Variants in RAD51AP2 observed in about 807,000 individuals in gnomAD.
RAD51AP2 encodes the protein RAD51-associated protein 2.
Under a neutral mutation model 85.5 loss-of-function variants are expected in RAD51AP2, and 67 were observed. The observed-to-expected ratio is 0.78, with a 90% CI of 0.64 to 0.96. The LOEUF (loss-of-function observed/expected upper bound fraction) is 0.96. RAD51AP2 is among the 40% of genes least tolerant of loss of function. The probability of loss-of-function intolerance (pLI) is 0.00; values close to 1 mark genes in which losing one functional copy is unlikely to be tolerated. For missense variants in RAD51AP2, 1,307 were observed against 1,332.4 expected (o/e 0.98, Z 0.30); for synonymous variants, 474 against 446.5 (o/e 1.06, Z -0.78).
chr2:17,517,939 C>A lies in RAD51AP2; in HGVS notation c.477G>T (p.Leu159=). Residue 159 remains leucine, a synonymous_variant, in exon 1 of 3, where the codon CTG becomes CTT. Coordinates refer to ENST00000399080, the MANE Select transcript of RAD51AP2 (RefSeq NM_001099218.3). ...GTATATCGTGTATAGAGGTGCTGGGCAGAAGTTGACTAACCCCTGCTTTGG... is the reference window on the plus strand; with the variant it reads ...GTATATCGTGTATAGAGGTGCTGGGAAGAAGTTGACTAACCCCTGCTTTGG... ...NSSKAGVSQL[L]PSTSIHDIHG... is the part of the protein sequence containing the mutation. 1 of 1,614,144 alleles carries A rather than the reference C, an allele frequency of 6.2e-7. No homozygotes were observed.
chr2:17,517,530 TG>T lies in RAD51AP2; in HGVS notation c.885del (p.Asn295LysfsTer23). ...TCAGGTCTATTTTGGGACCAGTAAA[TG>T]TTTGTGAAATCCCTAACATATGCCT... is the stretch of plus-strand genomic sequence containing the variant. ...KKEAYVRDFT[N>X]IYWSQNRPDV... On this transcript the variant is annotated frameshift_variant, in exon 1 of 3. Transcript: ENST00000399080. LOFTEE classifies it high-confidence loss of function. The T allele has an allele frequency of 6.2e-7, 1 of 1,613,812 alleles. No homozygotes were observed. Among genetic ancestry groups the T allele is most frequent in the Non-Finnish European group, 8.5e-7 (1 of 1,179,932 alleles).
At chr2:17,512,812 A>G (rs1448549904) in intron 2 of RAD51AP2, among the ~76,000 whole-genome samples, 1 of 152,198 alleles carries the variant, frequency 6.6e-6, no homozygotes, top group Non-Finnish European at 1.5e-5. Flanking sequence ...CCCGGGGAGA[A>G]GAGACTACCT....
Position 17,517,620 on chromosome 2 carries a change from A to C in RAD51AP2, c.796T>G (p.Leu266Val). The C allele has an allele frequency of 6.2e-7, 1 of 1,614,034 alleles. No homozygotes were observed. Residue 266 changes from leucine (L) to valine (V), a missense_variant, in exon 1 of 3, where the codon TTA becomes GTA. Around this residue, in one of 3 missense-constraint regions of RAD51AP2, gnomAD observed 635 missense variants for 643.6 expected, o/e 0.99. Coordinates refer to ENST00000399080, the MANE Select transcript of RAD51AP2 (RefSeq NM_001099218.3). ...TAGACAGAGGACATTTTGCTATTTAAGTCCATTGGAAACTGAGGGACACTT... is the reference window on the plus strand; with the variant it reads ...TAGACAGAGGACATTTTGCTATTTACGTCCATTGGAAACTGAGGGACACTT... ...TISVPQFPMD[L>V]NSKMSSVYLK...
chr2:17,511,699 T>A (rs1662499637), intron 2 of RAD51AP2, among the ~76,000 whole-genome samples: 1 of 152,114 alleles, frequency 6.6e-6, no homozygotes, highest in Non-Finnish European at 1.5e-5. Flanking sequence ...CTAAAAACAG[T>A]GTAATCAAAT....
At chr2:17,511,230 AC>A (rs1246005324) in intron 2 of RAD51AP2, among the ~76,000 whole-genome samples, 1 of 152,210 alleles carries the variant, frequency 6.6e-6, no homozygotes, top group South Asian at 2.1e-4. Flanking sequence ...TAACTTAACA[AC>A]CATCACAACA....
At position 17,518,407 on chromosome 2, in the gene RAD51AP2, G is replaced by T; in HGVS notation, c.9C>A (p.Leu3=). MS[L]PQPTPRMAEL... ...CGGCCATCCGCGGCGTGGGCTGAGG[G>T]AGAGACATGACAGCGAATGGAAAGG... Residue 3 remains leucine, a synonymous_variant, in exon 1 of 3, where the codon CTC becomes CTA. Transcript: ENST00000399080. 1 of 1,611,202 alleles carries T rather than the reference G, an allele frequency of 6.2e-7. No homozygotes were observed. Among genetic ancestry groups the T allele is most frequent in the Non-Finnish European group, 8.5e-7 (1 of 1,179,324 alleles).
rs745750139 is a variant in RAD51AP2, at chr2:17,515,644, T to C, written c.2772A>G (p.Ala924=). 6.2e-7 allele frequency: 1 copy of C among 1,612,882 alleles called. No homozygotes were observed. ...SKDFHRKNDS[A]LYINHQFETG... The stretch of plus-strand genomic sequence containing the variant: ...TTTCAAATTGATGATTAATATATAA[T>C]GCAGAGTCATTCTTTCTGTGAAAAT... The change falls in exon 1 of 3, where the codon GCA becomes GCG. Residue 924 remains alanine, a synonymous_variant. Transcript: ENST00000399080.
At position 17,517,979 on chromosome 2, in the gene RAD51AP2, T is replaced by C. The variant is rs1466757628; in HGVS notation, c.437A>G (p.His146Arg). The C allele has an allele frequency of 6.2e-7, 1 of 1,614,204 alleles. No individual in the cohort carries two copies. Among genetic ancestry groups the C allele is most frequent in the Non-Finnish European group, 8.5e-7 (1 of 1,180,032 alleles). The part of the protein sequence containing the change: ...GLHDREAFSV[H>R]RSNSSKAGVS... ...CCCTGCTTTGGAGCTATTACTGCGGTGCACACTGAAAGCCTCTCTGTCATG... is the reference window on the plus strand; with the variant it reads ...CCCTGCTTTGGAGCTATTACTGCGGCGCACACTGAAAGCCTCTCTGTCATG... Residue 146 changes from histidine to arginine, a missense_variant, in exon 1 of 3, where the codon CAC becomes CGC. By Grantham distance (29) the His-to-Arg change is conservative. This residue lies in a region of RAD51AP2 where 635 missense variants were observed against 643.6 expected (regional missense o/e 0.99). Coordinates refer to ENST00000399080, the MANE Select transcript of RAD51AP2 (RefSeq NM_001099218.3).
At chr2:17,511,686 A>C (rs1023727337) in intron 2 of RAD51AP2, among the ~76,000 whole-genome samples, 1 of 152,200 alleles carries the variant, frequency 6.6e-6, no homozygotes, top group Non-Finnish European at 1.5e-5. Context: ...ATAGCCTGTT[A>C]TACTAAAAAC....
In RAD51AP2 at chr2:17,515,452, T is replaced by C. The variant is rs750831557; in HGVS notation, c.2964A>G (p.Leu988=). The C allele has an allele frequency of 3.7e-6, 6 of 1,613,532 alleles. No homozygotes were observed. The Admixed American group carries it at 6.7e-5, about 18-fold the overall frequency. Residue 988 remains leucine (L), a synonymous_variant, in exon 1 of 3, where the codon CTA becomes CTG. Transcript: ENST00000399080. ...FHEISRENEL[L]STVETNNGQE... ...GCCCATTGTTTGTTTCCACAGTGCT[T>C]AGAAGTTCATTTTCCCTACTAATTT...
upstream of RAD51AP2, among the ~76,000 whole-genome samples, chr2:17,519,794 T>C (rs1662817452): frequency 2.0e-5 from 3 of 152,208 alleles, 1 homozygote; most frequent in Non-Finnish European, 4.4e-5. Context: ...TTATGTTCTA[T>C]TGCTTTTCTA....
chr2:17,516,691 AG>A lies in RAD51AP2; in HGVS notation c.1724del (p.Pro575LeufsTer2). 6.4e-7 allele frequency: 1 copy of A among 1,573,946 alleles called. No homozygotes were observed. Among genetic ancestry groups the A allele is most frequent in the Non-Finnish European group, 8.6e-7 (1 of 1,158,604 alleles). On this transcript the variant is annotated frameshift_variant, in exon 1 of 3. Coordinates refer to ENST00000399080, the MANE Select transcript of RAD51AP2 (RefSeq NM_001099218.3). LOFTEE classifies it high-confidence loss of function. The part of the protein sequence containing the change: ...SIYLQDSVSE[P>X]LDILLKTNIA... ...TGTTAGTTTTCAATAGAATATCTAA[AG>A]GTTCTGAAACACTATCTTGTAAATA...
the RAD51AP2 span, among the ~76,000 whole-genome samples, chr2:17,535,990 G>C: frequency 6.8e-6 from 1 of 146,496 alleles, no homozygotes; most frequent in African/African-American, 2.5e-5. Flanking sequence ...TCCTCCTTCA[G>C]GCAGGATAAA....
upstream of RAD51AP2, among the ~76,000 whole-genome samples, chr2:17,520,106 C>A (rs908923388): frequency 6.6e-6 from 1 of 151,832 alleles, no homozygotes; most frequent in Non-Finnish European, 1.5e-5. Context: ...CAAATAAAAC[C>A]CAGAAGTATT....
In RAD51AP2 at chr2:17,516,270, G is replaced by C. The variant is rs1662662629; in HGVS notation, c.2146C>G (p.Gln716Glu). The C allele has an allele frequency of 6.2e-7, 1 of 1,610,834 alleles. No individual in the cohort carries two copies. Among genetic ancestry groups the C allele is most frequent in the African/African-American group, 1.3e-5 (1 of 74,798 alleles). Reference sequence around the variant, plus strand: ...GCCCAATTTTCCACATTCACAACTTGTTGAGGACAACTCATATTCTGACAA... The same window carrying C: ...GCCCAATTTTCCACATTCACAACTTCTTGAGGACAACTCATATTCTGACAA... ...ITCQNMSCPQ[Q>E]VVNVENWAHY... is the part of the protein sequence containing the mutation. The change falls in exon 1 of 3, where the codon CAA (glutamine) becomes GAA (glutamate). Residue 716 changes from glutamine (Q) to glutamate (E), a missense_variant. Gln to Glu is a conservative substitution (Grantham distance 29). This residue lies in a region of RAD51AP2 where 668 missense variants were observed against 671.0 expected (regional missense o/e 1.00). Transcript: ENST00000399080.
In RAD51AP2 at chr2:17,518,208, G is replaced by A; in HGVS notation, c.208C>T (p.Pro70Ser). The A allele has an allele frequency of 3.1e-6, 5 of 1,614,140 alleles. No individual in the cohort carries two copies. Among genetic ancestry groups the A allele is most frequent in the African/African-American group, 1.3e-5 (1 of 74,998 alleles). ...AEKVWELSPR[P>S]FKGLLVSTNA... ...GTTGAAACAAGGAGTCCCTTGAAGGGTCTAGGGGACAACTCCCAGACTTTT... is the reference window on the plus strand; with the variant it reads ...GTTGAAACAAGGAGTCCCTTGAAGGATCTAGGGGACAACTCCCAGACTTTT... Residue 70 changes from proline (P) to serine (S), a missense_variant, in exon 1 of 3, where the codon CCC becomes TCC. By Grantham distance (74) the Pro-to-Ser change is moderately conservative (BLOSUM62 -1). This residue lies in a region of RAD51AP2 where 635 missense variants were observed against 643.6 expected (regional missense o/e 0.99). Coordinates refer to ENST00000399080, the MANE Select transcript of RAD51AP2 (RefSeq NM_001099218.3).
At position 17,518,338 on chromosome 2, in the gene RAD51AP2, C is replaced by A. The variant is rs1474951097; in HGVS notation, c.78G>T (p.Pro26=). The A allele has an allele frequency of 6.2e-7, 1 of 1,613,990 alleles. No homozygotes were observed. Among genetic ancestry groups the A allele is most frequent in the Non-Finnish European group, 8.5e-7 (1 of 1,180,026 alleles). The change falls in exon 1 of 3, where the codon CCG becomes CCT. Residue 26 remains proline (P), a synonymous_variant. Transcript: ENST00000399080. The stretch of plus-strand genomic sequence containing the variant: ...GCTTGCTACTAGGTGGTTGGGAATC[C>A]GGGTCCTCAGGAGGCGTTAAAGAGG... The part of the protein sequence containing the change: ...PTSSLTPPED[P]DSQPPSSKRL...
the RAD51AP2 span, among the ~76,000 whole-genome samples, chr2:17,527,187 A>G: frequency 6.6e-6 from 1 of 152,218 alleles, no homozygotes; most frequent in South Asian, 2.1e-4. Context: ...ATAATTCATT[A>G]TGTTGTACAT....
chr2:17,511,058 G>T, intron 2 of RAD51AP2, 103 bp from the exon 3 acceptor site: 1 of 628,102 alleles, frequency 1.6e-6, no homozygotes, highest in Non-Finnish European at 2.5e-6. Context: ...AATATTTACT[G>T]AGCACTTATT....
Sources: gnomAD v4.1 joint callset for allele counts (sites outside exome capture counted in the v4.1 genomes callset) on GRCh38, gnomAD v4.1.1 for gene constraint, gnomAD v4.1.1 regional missense constraint, MANE v1.5 for transcripts, NCBI Gene and HGNC (gene_info 2026-07-23, HGNC 2026-07-21) for gene names.